The following DAAM1 variants were observed in gnomAD, a reference collection of about 807,000 sequenced individuals.
DAAM1 encodes the protein disheveled-associated activator of morphogenesis 1.
Under a neutral mutation model 130.0 loss-of-function variants are expected in DAAM1, and 52 were observed. The observed-to-expected ratio is 0.40, with a 90% CI of 0.32 to 0.50. The LOEUF (loss-of-function observed/expected upper bound fraction) is 0.50, where lower values mean the gene tolerates loss of function less well. DAAM1 is among the 20% of genes least tolerant of loss of function. The pLI, the probability that DAAM1 is intolerant of heterozygous loss-of-function variation, is 0.61. For missense variants in DAAM1, 1,134 were observed against 1,303.8 expected (o/e 0.87, Z 2.01); for synonymous variants, 452 against 444.5 (o/e 1.02, Z -0.21).
intron 2 of DAAM1, chr14:59,264,859 T>C (rs1882358768): frequency 2.0e-5 from 3 of 152,086 alleles, no homozygotes; most frequent in Admixed American, 2.0e-4. Flanking sequence ...GTGTGTTGTT[T>C]CCCCCCATGT....
chr14:59,282,865 TC>T (rs1381451745), intron 2 of DAAM1, among the ~76,000 whole-genome samples: 1 of 152,186 alleles, frequency 6.6e-6, no homozygotes, highest in Non-Finnish European at 1.5e-5. Flanking sequence ...ACCCATTTAT[TC>T]CTTTCCATTT....
chr14:59,275,711 C>A (rs1456159558), intron 2 of DAAM1, among the ~76,000 whole-genome samples: 1 of 152,098 alleles, frequency 6.6e-6, no homozygotes, highest in African/African-American at 2.4e-5. Context: ...GCATTGCTTG[C>A]TATTAAGAGA....
intron 16 of DAAM1, among the ~76,000 whole-genome samples, chr14:59,343,879 C>T (rs549319466): frequency 2.0e-3 from 304 of 152,254 alleles, no homozygotes; most frequent in African/African-American, 6.8e-3. Flanking sequence ...TCCAGGGCAC[C>T]AGGGACCATA....
At chr14:59,343,848 G>A (rs1885949416) in intron 16 of DAAM1, among the ~76,000 whole-genome samples, 2 of 152,152 alleles carry the variant, frequency 1.3e-5, no homozygotes, top group African/African-American at 4.8e-5. Context: ...GGCCTAAAAG[G>A]TGTGCATTTG....
intron 24 of DAAM1, 42 bp from the exon 25 acceptor site, chr14:59,368,608 A>T: frequency 6.3e-7 from 1 of 1,581,204 alleles, no homozygotes; most frequent in Non-Finnish European, 8.6e-7. Context: ...AAAATGCAAC[A>T]TTTTGACATG....
chr14:59,256,521 A>T (rs1881893803), intron 1 of DAAM1, among the ~76,000 whole-genome samples: 1 of 152,222 alleles, frequency 6.6e-6, no homozygotes, highest in African/African-American at 2.4e-5. Flanking sequence ...GCATAGCACT[A>T]GTCATCTGTA....
intron 1 of DAAM1, among the ~76,000 whole-genome samples, chr14:59,205,210 T>G (rs933445119): frequency 2.6e-5 from 4 of 152,236 alleles, no homozygotes; most frequent in Admixed American, 1.3e-4. Flanking sequence ...ATAATTGATG[T>G]CTTATACTAT....
rs562686404 is a variant in DAAM1 at position 59,285,909 on chromosome 14, T to C, written c.184-5308T>C. Among the ~76,000 whole-genome samples the C allele has an allele frequency of 7.9e-5, 12 of 152,298 alleles. No individual in the cohort carries two copies. In the South Asian group the frequency reaches 2.5e-3, roughly 32 times the overall value. The stretch of plus-strand genomic sequence containing the variant: ...GATATTCTAGACTTAAACTCAGTGC[T>C]TGGCCAATTGGACCTAATAGACATC... On this transcript the variant is annotated intron_variant, in intron 2 of 24. Transcript: ENST00000360909.
chr14:59,214,534 A>G (rs1888519723), intron 1 of DAAM1, among the ~76,000 whole-genome samples: 1 of 152,214 alleles, frequency 6.6e-6, no homozygotes, highest in Non-Finnish European at 1.5e-5. Flanking sequence ...CCAGACAACT[A>G]CTAATCTGCT....
intron 15 of DAAM1, among the ~76,000 whole-genome samples, chr14:59,335,949 A>T (rs1885611213): frequency 6.6e-6 from 1 of 151,706 alleles, no homozygotes; most frequent in African/African-American, 2.4e-5. Context: ...ATGATTTAAG[A>T]TATTTATTTC....
chr14:59,326,283 A>G (rs570709979), intron 10 of DAAM1, among the ~76,000 whole-genome samples: 57 of 152,306 alleles, frequency 3.7e-4, no homozygotes, highest in African/African-American at 1.3e-3. Flanking sequence ...TTTGATTTTA[A>G]AAATAAAAAA....
chr14:59,246,483 T>G (rs957838211), intron 1 of DAAM1, among the ~76,000 whole-genome samples: 2 of 152,224 alleles, frequency 1.3e-5, no homozygotes, highest in African/African-American at 2.4e-5. Flanking sequence ...TCCACCTCTC[T>G]GCTATTGTGA....
intron 1 of DAAM1, among the ~76,000 whole-genome samples, chr14:59,235,181 TC>T (rs1222910521): frequency 3.3e-5 from 5 of 152,188 alleles, no homozygotes; most frequent in Non-Finnish European, 7.4e-5. Context: ...GAGGAGTCTC[TC>T]CTTTTGAGTT....
At chr14:59,350,530 GTCTTCTC>G (rs1248468428) in intron 17 of DAAM1, among the ~76,000 whole-genome samples, 2 of 151,848 alleles carry the variant, frequency 1.3e-5, no homozygotes, top group African/African-American at 4.8e-5. Context: ...TCTAGCTACT[GTCTTCTC>G]TCTGATGCAG....
rs373719655 is a variant in DAAM1, at chr14:59,250,004, A to T, written c.-37-13437A>T. Among the ~76,000 whole-genome samples, 22 of 152,346 alleles carry T rather than the reference A, an allele frequency of 1.4e-4. 1 individual carries two copies. Among genetic ancestry groups the T allele is most frequent in the Admixed American group, 8.5e-4 (13 of 15,308 alleles). On this transcript the variant is annotated intron_variant, in intron 1 of 24. Transcript: ENST00000360909. ...AGTAGTAAGTTTCATTCATTTATGAACATACTAAAATCTCTTGTTCTTGGG... is the reference window on the plus strand; with the variant it reads ...AGTAGTAAGTTTCATTCATTTATGATCATACTAAAATCTCTTGTTCTTGGG...
intron 12 of DAAM1, among the ~76,000 whole-genome samples, chr14:59,330,001 A>G (rs887751015): frequency 1.3e-5 from 2 of 152,236 alleles, no homozygotes; most frequent in African/African-American, 4.8e-5. Context: ...GTCTGACAGC[A>G]GCTCTTCCTC....
At chr14:59,333,307 G>A (rs1250718688) in intron 15 of DAAM1, among the ~76,000 whole-genome samples, 1 of 152,102 alleles carries the variant, frequency 6.6e-6, no homozygotes, top group Non-Finnish European at 1.5e-5. Flanking sequence ...TAAGTAGAAA[G>A]GCAAACTTGG....
At chr14:59,254,176 G>T (rs569810742) in intron 1 of DAAM1, among the ~76,000 whole-genome samples, 37 of 152,256 alleles carry the variant, frequency 2.4e-4, no homozygotes, top group African/African-American at 8.4e-4. Flanking sequence ...CTGACTTTAG[G>T]GGTCATTACA....
chr14:59,321,985 A>G (rs1334780280), intron 5 of DAAM1, among the ~76,000 whole-genome samples: 2 of 152,254 alleles, frequency 1.3e-5, no homozygotes, highest in African/African-American at 4.8e-5. Context: ...AAGAAATATT[A>G]ATAACGTTAG....
Sources: gnomAD v4.1 joint callset for allele counts (sites outside exome capture counted in the v4.1 genomes callset) on GRCh38, gnomAD v4.1.1 for gene constraint, MANE v1.5 for transcripts, NCBI Gene and HGNC (gene_info 2026-07-23, HGNC 2026-07-21) for gene names.